Variants in ATAD1 observed in about 807,000 individuals in gnomAD.
ATAD1 encodes ATPase family AAA domain containing 1, also known as outer mitochondrial transmembrane helix translocase.
ATAD1 carries 18 observed loss-of-function variants against 42.7 expected under a neutral mutation model. The ratio of observed to expected loss-of-function variants is 0.42; its 90% CI spans 0.29 to 0.63. ATAD1 has a LOEUF of 0.63. ATAD1 is among the 20% of genes least tolerant of loss of function. The pLI is 0.19. For missense variants in ATAD1, 294 were observed against 440.4 expected (o/e 0.67, Z 2.98); for synonymous variants, 132 against 143.1 (o/e 0.92, Z 0.55).
chr10:87,834,297 AT>A (rs1204678613), intron 1 of ATAD1, among the ~76,000 whole-genome samples: 1 of 152,142 alleles, frequency 6.6e-6, no homozygotes, highest in Non-Finnish European at 1.5e-5. Context: ...TGCTGATTTT[AT>A]AAAAATAAAT....
At chr10:87,816,473 C>T (rs1477087255) in intron 1 of ATAD1, among the ~76,000 whole-genome samples, 1 of 152,162 alleles carries the variant, frequency 6.6e-6, no homozygotes, top group Non-Finnish European at 1.5e-5. Flanking sequence ...ATTTACTGAA[C>T]ATCTATATAT....
At chr10:87,771,065 G>T (rs1855007960) in intron 6 of ATAD1, 24 bp from the exon 7 acceptor site, 1 of 1,576,128 alleles carries the variant, frequency 6.3e-7, no homozygotes. Flanking sequence ...GAAGACAGAA[G>T]GTATTAAATC....
intron 2 of ATAD1, among the ~76,000 whole-genome samples, chr10:87,796,799 C>T (rs558462649): frequency 2.0e-5 from 3 of 152,160 alleles, no homozygotes; most frequent in South Asian, 2.1e-4. Flanking sequence ...TGGCTCAAAC[C>T]GATAGTACTA....
intron 1 of ATAD1, among the ~76,000 whole-genome samples, chr10:87,830,051 T>C (rs923652035): frequency 3.9e-5 from 6 of 152,196 alleles, no homozygotes; most frequent in African/African-American, 1.2e-4. Context: ...CCTCCACATA[T>C]GGGGAGTAAC....
chr10:87,763,177 G>C (rs979593566), intron 8 of ATAD1, among the ~76,000 whole-genome samples: 4 of 150,336 alleles, frequency 2.7e-5, no homozygotes, highest in African/African-American at 9.8e-5. Context: ...AGAATTTTAG[G>C]AATTTCTCTG....
intron 2 of ATAD1, among the ~76,000 whole-genome samples, chr10:87,812,370 G>A (rs760583925): frequency 2.0e-5 from 3 of 152,066 alleles, no homozygotes; most frequent in Non-Finnish European, 4.4e-5. Flanking sequence ...TCTGCCTCCC[G>A]GGTTCAAGCA....
chr10:87,798,816 A>T (rs1037420931), intron 2 of ATAD1, among the ~76,000 whole-genome samples: 1 of 152,182 alleles, frequency 6.6e-6, no homozygotes, highest in Non-Finnish European at 1.5e-5. Flanking sequence ...CATGCAAATT[A>T]AAGGCTATTT....
At chr10:87,792,370 A>G (rs1296121050) in intron 3 of ATAD1, among the ~76,000 whole-genome samples, 3 of 152,180 alleles carry the variant, frequency 2.0e-5, no homozygotes, top group South Asian at 4.1e-4. Context: ...AACACTGCAC[A>G]TGTGTTGTCA....
In ATAD1 at chr10:87,754,679, C is replaced by A; in HGVS notation, c.*8G>T. 2 of 1,611,416 alleles carry A rather than the reference C, an allele frequency of 1.2e-6. No homozygotes were observed. The highest frequency in any genetic ancestry group is 2.2e-5 in the South Asian group (2 of 90,862). On this transcript the variant is annotated 3_prime_UTR_variant, in exon 10 of 10. Transcript: ENST00000680024. ...TAGATCACTGAACTGTACAAATGATCTTTACTCTTAATCTAAACAAACATG... is the reference window on the plus strand; with the variant it reads ...TAGATCACTGAACTGTACAAATGATATTTACTCTTAATCTAAACAAACATG...
chr10:87,771,442 G>A (rs1184419935), intron 6 of ATAD1, among the ~76,000 whole-genome samples: 1 of 152,072 alleles, frequency 6.6e-6, no homozygotes, highest in Non-Finnish European at 1.5e-5. Flanking sequence ...GGGAGTATAA[G>A]GGGATAATTC....
At chr10:87,762,351 TAATTCAAAGG>T (rs1854518657) in intron 8 of ATAD1, among the ~76,000 whole-genome samples, 1 of 152,232 alleles carries the variant, frequency 6.6e-6, no homozygotes, top group Non-Finnish European at 1.5e-5. Context: ...ATGGCCATCC[TAATTCAAAGG>T]AACTTATTAA....
At chr10:87,765,062 T>TA (rs200674470) in intron 8 of ATAD1, among the ~76,000 whole-genome samples, 5 of 151,048 alleles carry the variant, frequency 3.3e-5, no homozygotes, top group East Asian at 1.9e-4. Context: ...GAGGCTAGGT[T>TA]AAAAAAAAAG....
chr10:87,761,894 A>T (rs1440266019), intron 8 of ATAD1, among the ~76,000 whole-genome samples: 1 of 151,832 alleles, frequency 6.6e-6, no homozygotes, highest in African/African-American at 2.4e-5. Context: ...CCGAGTAACT[A>T]GGCAGACCCA....
intron 3 of ATAD1, among the ~76,000 whole-genome samples, chr10:87,791,217 A>G (rs1371147308): frequency 1.3e-5 from 2 of 151,292 alleles, no homozygotes; most frequent in Non-Finnish European, 2.9e-5. Context: ...AAAAAAAAAA[A>G]AAAAATTACA....
Position 87,772,410 on chromosome 10 carries a change from G to C in ATAD1, c.691-1369C>G, listed in dbSNP as rs760772201. Among the ~76,000 whole-genome samples, 32 of 151,686 alleles carry C rather than the reference G, an allele frequency of 2.1e-4. 1 individual carries two copies. The highest frequency in any genetic ancestry group is 6.6e-4 in the Admixed American group (10 of 15,212). Reference sequence around the variant, plus strand: ...TTACAGATGTGAAACACCACACCCAGCCTCTTTATTGACTTTTTACAACTC... The same window carrying C: ...TTACAGATGTGAAACACCACACCCACCCTCTTTATTGACTTTTTACAACTC... On this transcript the variant is annotated intron_variant, in intron 6 of 9. Coordinates refer to ENST00000680024, the MANE Select transcript of ATAD1 (RefSeq NM_001321967.2).
rs560012847 is a variant in ATAD1 at position 87,818,199 on chromosome 10, C to G, written c.-46G>C. 1.0e-6 allele frequency: 1 copy of G among 985,586 alleles called. No individual in the cohort carries two copies. Among genetic ancestry groups the G allele is most frequent in the East Asian group, 1.1e-4 (1 of 8,832 alleles). The allele number at this position is 985,586 out of a possible 1,614,324, so 61.1% of individuals were successfully genotyped here. A position where few individuals can be genotyped will look rare whatever the true frequency, so the allele number is the denominator to read the frequency against. ...CAGAAACAGCAAGAGCAAGTGCCCT[C>G]AGCCGGCCTCACACAGGAAGGAAAC... On this transcript the variant is annotated 5_prime_UTR_variant, in exon 1 of 10. Transcript: ENST00000680024.
intron 5 of ATAD1, among the ~76,000 whole-genome samples, chr10:87,780,519 G>A (rs1475809711): frequency 6.6e-6 from 1 of 151,996 alleles, no homozygotes; most frequent in Non-Finnish European, 1.5e-5. Flanking sequence ...TATCTGGGGG[G>A]CATATGGGAA....
intron 5 of ATAD1, among the ~76,000 whole-genome samples, chr10:87,778,848 C>T (rs1589493906): frequency 1.3e-5 from 2 of 152,124 alleles, no homozygotes; most frequent in East Asian, 3.8e-4. Context: ...CCAACACAGA[C>T]TGTAATTTTC....
intron 4 of ATAD1, among the ~76,000 whole-genome samples, chr10:87,786,574 C>A (rs1855843854): frequency 6.6e-6 from 1 of 152,232 alleles, no homozygotes. Flanking sequence ...TGGGGACAGG[C>A]TGTAACAGAG....
Sources: allele counts gnomAD v4.1 joint callset (sites outside exome capture counted in the v4.1 genomes callset), GRCh38; gene constraint gnomAD v4.1.1; transcripts MANE v1.5; gene names NCBI Gene and HGNC (gene_info 2026-07-23, HGNC 2026-07-21).